Variants in KIAA0825 observed in about 807,000 individuals in gnomAD.
The protein encoded by KIAA0825 is KIAA0825, also known as uncharacterized protein KIAA0825.
In KIAA0825, 119 loss-of-function variants were observed where a neutral mutation model predicts 147.6. The observed-to-expected ratio is 0.81, with a 90% CI of 0.69 to 0.94. The LOEUF is 0.94. Ranked by LOEUF, KIAA0825 falls within the 40% of genes least tolerant of loss-of-function variation. The pLI is 0.00. For synonymous variants in KIAA0825, 470 were observed against 518.1 expected (o/e 0.91, Z 1.26); for missense variants, 1,381 against 1,472.7 (o/e 0.94, Z 1.02).
In KIAA0825 at chr5:94,255,570, G is replaced by C. The variant is rs6881074; in HGVS notation, c.3711-101446C>G. Among the ~76,000 whole-genome samples, 324 of 152,068 alleles carry C rather than the reference G, an allele frequency of 2.1e-3. 2 individuals are homozygous for C. The highest frequency in any genetic ancestry group is 7.6e-3 in the African/African-American group (314 of 41,486). On this transcript the variant is annotated intron_variant, in intron 20 of 20. Transcript: ENST00000682413. Reference sequence around the variant, plus strand: ...GAAGAGAAAACCACATGATGGCAGGGGAGATGGGCAGAAATATGGTTTTTA... The same window carrying C: ...GAAGAGAAAACCACATGATGGCAGGCGAGATGGGCAGAAATATGGTTTTTA...
At chr5:94,614,662 A>C (rs550763871) in intron 1 of KIAA0825, among the ~76,000 whole-genome samples, 2 of 152,096 alleles carry the variant, frequency 1.3e-5, no homozygotes, top group East Asian at 3.9e-4. Flanking sequence ...GCACAAACTC[A>C]ATATTACCTT....
At position 94,384,251 on chromosome 5, in the gene KIAA0825, A is replaced by G. The variant is rs1377842153; in HGVS notation, c.3710+117T>C. 4.3e-6 allele frequency: 3 copies of G among 697,256 alleles called. No individual in the cohort carries two copies. The Admixed American group carries it at 9.1e-5, about 21-fold the overall frequency. 43.2% of individuals were successfully genotyped at this position (697,256 alleles called of 1,614,324 possible). A position where few individuals can be genotyped will look rare whatever the true frequency, so the allele number is the denominator to read the frequency against. On this transcript the variant is annotated intron_variant, in intron 20 of 20. Transcript: ENST00000682413. ...CAAAATAGATTCCCCTGCTGATAAA[A>G]TGTTTTCACTTTTCCCAAAAGTATG... is the stretch of plus-strand genomic sequence containing the variant.
intron 14 of KIAA0825, among the ~76,000 whole-genome samples, chr5:94,424,066 G>A (rs1485551078): frequency 6.6e-6 from 1 of 151,968 alleles, no homozygotes; most frequent in Non-Finnish European, 1.5e-5. Flanking sequence ...ATGAACCTAA[G>A]CAAACAGGCC....
At chr5:94,204,309 C>T (rs1372643559) in intron 20 of KIAA0825, among the ~76,000 whole-genome samples, 1 of 152,072 alleles carries the variant, frequency 6.6e-6, no homozygotes, top group Non-Finnish European at 1.5e-5. Context: ...AGTTCAAGTT[C>T]ACATTAAAGT....
intron 20 of KIAA0825, among the ~76,000 whole-genome samples, chr5:94,275,593 G>A (rs1777188436): frequency 6.6e-6 from 1 of 152,102 alleles, no homozygotes; most frequent in Non-Finnish European, 1.5e-5. Flanking sequence ...ATGAATGAAT[G>A]AATGAATGTT....
chr5:94,532,602 G>C (rs565189014), intron 3 of KIAA0825, among the ~76,000 whole-genome samples: 1 of 149,426 alleles, frequency 6.7e-6, no homozygotes, highest in Non-Finnish European at 1.5e-5. Context: ...ACAATAGCGT[G>C]TGCAGCCTCA....
Position 94,237,360 on chromosome 5 carries a change from C to G in KIAA0825, c.3711-83236G>C, listed in dbSNP as rs550045479. On this transcript the variant is annotated intron_variant, in intron 20 of 20. Coordinates refer to ENST00000682413, the MANE Select transcript of KIAA0825 (RefSeq NM_001145678.3). ...TGCTTAATGTAGATGTCATCTACAT[C>G]ATCTGAGACTCTTGGGATGTCATAC... is the stretch of plus-strand genomic sequence containing the variant. Among the ~76,000 whole-genome samples, 6 of 152,064 alleles carry G rather than the reference C, an allele frequency of 3.9e-5. No individual in the cohort carries two copies. The East Asian group carries it at 9.6e-4, about 24-fold the overall frequency.
intron 20 of KIAA0825, among the ~76,000 whole-genome samples, chr5:94,315,168 A>C (rs534903475): frequency 1.3e-5 from 2 of 151,828 alleles, no homozygotes; most frequent in South Asian, 4.2e-4. Context: ...TTAAATAATA[A>C]ATTAGCCTAA....
intron 3 of KIAA0825, among the ~76,000 whole-genome samples, chr5:94,527,693 T>TA (rs1679188475): frequency 6.6e-6 from 1 of 152,070 alleles, no homozygotes; most frequent in South Asian, 2.1e-4. Flanking sequence ...TTTCAATTGT[T>TA]ACACTGAAAT....
chr5:94,373,507 G>C (rs939189394), intron 20 of KIAA0825, among the ~76,000 whole-genome samples: 66 of 152,266 alleles, frequency 4.3e-4, no homozygotes, highest in African/African-American at 1.4e-3. Flanking sequence ...TTACAATCTT[G>C]GTGGAAGGGG....
intron 20 of KIAA0825, among the ~76,000 whole-genome samples, chr5:94,221,868 T>A (rs1023765624): frequency 2.0e-5 from 3 of 152,168 alleles, no homozygotes; most frequent in Non-Finnish European, 4.4e-5. Flanking sequence ...TCAGTAAGAA[T>A]CTATGTAAGG....
At chr5:94,244,750 C>T (rs886556400) in intron 20 of KIAA0825, among the ~76,000 whole-genome samples, 9 of 152,032 alleles carry the variant, frequency 5.9e-5, no homozygotes, top group Non-Finnish European at 1.3e-4. Flanking sequence ...AAGTACTTGA[C>T]GAATAGTAGG....
At chr5:94,341,655 TAGAC>T (rs941018345) in intron 20 of KIAA0825, among the ~76,000 whole-genome samples, 74 of 152,302 alleles carry the variant, frequency 4.9e-4, no homozygotes, top group African/African-American at 1.6e-3. Flanking sequence ...AATATTATTT[TAGAC>T]AGAAATGTCT....
intron 12 of KIAA0825, among the ~76,000 whole-genome samples, chr5:94,461,504 A>G (rs1256663720): frequency 3.3e-5 from 5 of 151,944 alleles, no homozygotes; most frequent in Admixed American, 2.0e-4. Flanking sequence ...AGAATGCTCC[A>G]TTTCTAAAAG....
intron 20 of KIAA0825, among the ~76,000 whole-genome samples, chr5:94,229,459 A>G (rs1218841174): frequency 1.3e-5 from 2 of 151,736 alleles, no homozygotes; most frequent in Non-Finnish European, 2.9e-5. Context: ...TATTGTACAA[A>G]GAACTTGGTA....
In KIAA0825 at chr5:94,403,681, T is replaced by G. The variant is rs1457490285; in HGVS notation, c.2775A>C (p.Arg925Ser). 3.2e-6 allele frequency: 5 copies of G among 1,551,460 alleles called. No individual in the cohort carries two copies. Among genetic ancestry groups the G allele is most frequent in the Non-Finnish European group, 4.4e-6 (5 of 1,146,914 alleles). Reference sequence around the variant, plus strand: ...GCTTGTTTAGGTTTGTCTCACAGTTTCTCCTAGAACTCATTACAGATACTA... The same window carrying G: ...GCTTGTTTAGGTTTGTCTCACAGTTGCTCCTAGAACTCATTACAGATACTA... ...QQIVSVMSSR[R>S]NCETNLNKHI... Residue 925 changes from arginine to serine, a missense_variant, in exon 16 of 21, where the codon AGA (arginine) becomes AGC (serine). By Grantham distance (110) the Arg-to-Ser change is moderately radical (BLOSUM62 -1). Coordinates refer to ENST00000682413, the MANE Select transcript of KIAA0825 (RefSeq NM_001145678.3).
intron 20 of KIAA0825, among the ~76,000 whole-genome samples, chr5:94,378,657 T>G: frequency 6.6e-6 from 1 of 152,252 alleles, no homozygotes; most frequent in East Asian, 1.9e-4. Context: ...GTAATTCTGT[T>G]TTAAGTTCTT....
At chr5:94,575,999 G>A (rs1462791708) in intron 2 of KIAA0825, among the ~76,000 whole-genome samples, 1 of 152,166 alleles carries the variant, frequency 6.6e-6, no homozygotes, top group Non-Finnish European at 1.5e-5. Flanking sequence ...ATAGTGGTAA[G>A]AAGGCATAGC....
chr5:94,408,839 GT>G, intron 15 of KIAA0825, among the ~76,000 whole-genome samples: 1 of 152,348 alleles, frequency 6.6e-6, no homozygotes, highest in East Asian at 1.9e-4. Flanking sequence ...AATTTCTGGT[GT>G]GAATTTTTCT....
Sources: gnomAD v4.1 joint callset for allele counts (sites outside exome capture counted in the v4.1 genomes callset) on GRCh38, gnomAD v4.1.1 for gene constraint, MANE v1.5 for transcripts, NCBI Gene and HGNC (gene_info 2026-07-23, HGNC 2026-07-21) for gene names.